ATXN1: variants seen among roughly 807,000 people sequenced by gnomAD.
ATXN1 encodes ataxin 1.
In ATXN1, 8 loss-of-function variants were observed where a neutral mutation model predicts 56.4. The ratio of observed to expected loss-of-function variants is 0.14; its 90% CI spans 0.08 to 0.26. The LOEUF (loss-of-function observed/expected upper bound fraction) is 0.26, where lower values mean the gene tolerates loss of function less well. ATXN1 is among the 10% of genes least tolerant of loss of function. The probability of loss-of-function intolerance (pLI) is 1.00; values close to 1 mark genes in which losing one functional copy is unlikely to be tolerated. For synonymous variants in ATXN1, 514 were observed against 494.6 expected (o/e 1.04, Z -0.52); for missense variants, 987 against 1,106.5 (o/e 0.89, Z 1.53).
chr6:16,341,720 C>T (rs1348277395), intron 6 of ATXN1, among the ~76,000 whole-genome samples: 1 of 151,426 alleles, frequency 6.6e-6, no homozygotes, highest in Non-Finnish European at 1.5e-5. Flanking sequence ...GGGGTTTCAC[C>T]GTGTTAGCCA....
chr6:16,463,343 A>G (rs2113629098), intron 6 of ATXN1, among the ~76,000 whole-genome samples: 1 of 152,320 alleles, frequency 6.6e-6, no homozygotes, highest in South Asian at 2.1e-4. Flanking sequence ...GCAGGAAATC[A>G]GACCCTATCA....
intron 6 of ATXN1, among the ~76,000 whole-genome samples, chr6:16,484,448 A>T (rs1276119325): frequency 1.3e-5 from 2 of 152,118 alleles, no homozygotes; most frequent in Non-Finnish European, 1.5e-5. Flanking sequence ...AAAAAGAAAA[A>T]AATGAAAATA....
chr6:16,539,938 G>C (rs1175815994), intron 4 of ATXN1, among the ~76,000 whole-genome samples: 30 of 152,182 alleles, frequency 2.0e-4, no homozygotes, highest in Admixed American at 2.0e-3. Context: ...AGTCTGAGAG[G>C]AGTGCCAATC....
At chr6:16,385,145 A>C (rs935036050) in intron 6 of ATXN1, among the ~76,000 whole-genome samples, 1 of 152,224 alleles carries the variant, frequency 6.6e-6, no homozygotes, top group Non-Finnish European at 1.5e-5. Flanking sequence ...GCAGAGTCAC[A>C]TAAGGGGACA....
At position 16,506,295 on chromosome 6, in the gene ATXN1, G is replaced by A. The variant is rs1456679755; in HGVS notation, c.-299+16332C>T. 1.3e-5 allele frequency among the ~76,000 whole-genome samples: 2 copies of A among 152,164 alleles called. No individual in the cohort carries two copies. Among genetic ancestry groups the A allele is most frequent in the Admixed American group, 6.6e-5 (1 of 15,262 alleles). ...CAAGTTCATCATTTTATTAAGCAAT[G>A]AGTCAAATGAAGAAAGTGGTTTAAG... On this transcript the variant is annotated intron_variant, in intron 5 of 7. Coordinates refer to ENST00000436367, the MANE Select transcript of ATXN1 (RefSeq NM_001128164.2). The surrounding 1 kb of genome is among the most constrained non-coding windows in gnomAD (Gnocchi z 4.1).
chr6:16,727,211 T>C (rs1245644752), intron 2 of ATXN1, among the ~76,000 whole-genome samples: 2 of 152,190 alleles, frequency 1.3e-5, no homozygotes, highest in Admixed American at 1.3e-4. Flanking sequence ...TCTTTCATAA[T>C]TGTTTACAAT....
At position 16,511,592 on chromosome 6, in the gene ATXN1, A is replaced by G. The variant is rs143853274; in HGVS notation, c.-299+11035T>C. Among the ~76,000 whole-genome samples the G allele has an allele frequency of 2.4e-3, 359 of 152,224 alleles. 2 individuals carry two copies. The highest frequency in any genetic ancestry group is 3.5e-3 in the Non-Finnish European group (237 of 68,012). ...TTTCTCCCTCAGAATCAACCTAGCA[A>G]CAAGTCCGAAACCTCCAAAAACTTC... On this transcript the variant is annotated intron_variant, in intron 5 of 7. Transcript: ENST00000436367.
chr6:16,306,650 C>T lies in ATXN1; in HGVS notation c.2127G>A (p.Lys709=). The T allele has an allele frequency of 6.2e-7, 1 of 1,614,250 alleles. No individual in the cohort carries two copies. The highest frequency in any genetic ancestry group is 1.1e-5 in the South Asian group (1 of 91,088). Residue 709 remains lysine (K), a synonymous_variant, in exon 8 of 8, where the codon AAG becomes AAA. Coordinates refer to ENST00000436367, the MANE Select transcript of ATXN1 (RefSeq NM_001128164.2). The surrounding 1 kb of genome is among the most constrained non-coding windows in gnomAD (Gnocchi z 5.2). ...CCGCCAGGCCGTCGGCCTTTGAGTG[C>T]TTCAGCAGGACGCTGGCGGGATCCA... The part of the protein sequence containing the change: ...QPVDPASVLL[K]HSKADGLAGS...
chr6:16,545,613 C>T (rs1384072240), intron 4 of ATXN1, among the ~76,000 whole-genome samples: 2 of 152,132 alleles, frequency 1.3e-5, no homozygotes, highest in Non-Finnish European at 2.9e-5. Context: ...AGTAAACAAC[C>T]TTGTGGGGTG....
chr6:16,325,337 C>T (rs72653742), intron 7 of ATXN1, among the ~76,000 whole-genome samples: 41,006 of 151,710 alleles, frequency 0.27, 6,369 homozygotes, highest in East Asian at 0.46. Flanking sequence ...AGGCCGGTCT[C>T]GAACTCCTGA....
At chr6:16,313,530 C>T (rs557102330) in intron 7 of ATXN1, among the ~76,000 whole-genome samples, 19 of 151,810 alleles carry the variant, frequency 1.3e-4, no homozygotes, top group African/African-American at 3.6e-4. Context: ...ATTTGAGATG[C>T]GTACTAAAAC....
At position 16,392,839 on chromosome 6, in the gene ATXN1, A is replaced by C. The variant is rs185007611; in HGVS notation, c.-160-64369T>G. 7.9e-5 allele frequency among the ~76,000 whole-genome samples: 12 copies of C among 152,304 alleles called. No individual in the cohort carries two copies. In the East Asian group the frequency reaches 1.7e-3, roughly 22 times the overall value. On this transcript the variant is annotated intron_variant, in intron 6 of 7. Transcript: ENST00000436367. ...TAAACTCACAAGACAGTGGTTCTCA[A>C]AGTGAGTCACCCAGGGAAAGCGGCA...
intron 6 of ATXN1, among the ~76,000 whole-genome samples, chr6:16,459,030 C>G (rs1581777543): frequency 6.6e-6 from 1 of 152,374 alleles, no homozygotes; most frequent in South Asian, 2.1e-4. Flanking sequence ...AGATCCATTA[C>G]CATCCAAGGA....
intron 6 of ATXN1, among the ~76,000 whole-genome samples, chr6:16,450,791 T>C (rs1158131402): frequency 6.6e-6 from 1 of 152,138 alleles, no homozygotes; most frequent in Non-Finnish European, 1.5e-5. Context: ...GAAAGGACCT[T>C]CTAGGTGAAG....
rs1581433362 is a variant in ATXN1, at chr6:16,760,761, C to T, written c.-730+537G>A. Among the ~76,000 whole-genome samples the T allele has an allele frequency of 6.6e-6, 1 of 151,418 alleles. No individual in the cohort carries two copies. Among genetic ancestry groups the T allele is most frequent in the East Asian group, 1.9e-4 (1 of 5,158 alleles). ...ACCCCCTCTCTCTCACCGCCCTCTC[C>T]GGGGAGGAGGAATGGGAAGAGGGCG... On this transcript the variant is annotated intron_variant, in intron 1 of 7. Coordinates refer to ENST00000436367, the MANE Select transcript of ATXN1 (RefSeq NM_001128164.2). The surrounding 1 kb of genome is among the most constrained non-coding windows in gnomAD (Gnocchi z 5.3).
rs74807394 is a variant in ATXN1 at position 16,370,274 on chromosome 6, C to T, written c.-160-41804G>A. On this transcript the variant is annotated intron_variant, in intron 6 of 7. Coordinates refer to ENST00000436367, the MANE Select transcript of ATXN1 (RefSeq NM_001128164.2). ...GAATTGTTCTTTCCACATCAACCCC[C>T]GCCGGACATATTTCAAAAATGCAAC... Among the ~76,000 whole-genome samples the T allele has an allele frequency of 3.0e-3, 458 of 152,218 alleles. 1 individual carries two copies. Among genetic ancestry groups the T allele is most frequent in the South Asian group, 7.5e-3 (36 of 4,816 alleles).
chr6:16,506,676 T>C lies in ATXN1; in HGVS notation c.-299+15951A>G, dbSNP rs1271652546. ...CAATTCCCAGGTCAAAGATGTGAAATGAACATTATCATTATTTGTTTCAGT... is the reference window on the plus strand; with the variant it reads ...CAATTCCCAGGTCAAAGATGTGAAACGAACATTATCATTATTTGTTTCAGT... On this transcript the variant is annotated intron_variant, in intron 5 of 7. Coordinates refer to ENST00000436367, the MANE Select transcript of ATXN1 (RefSeq NM_001128164.2). This position sits in a 1 kb window ranked among gnomAD's most constrained non-coding sequence, Gnocchi z 4.1. Among the ~76,000 whole-genome samples the C allele has an allele frequency of 2.0e-5, 3 of 152,172 alleles. No individual in the cohort carries two copies. Among genetic ancestry groups the C allele is most frequent in the Non-Finnish European group, 4.4e-5 (3 of 68,018 alleles).
At chr6:16,680,880 C>T (rs1298286544) in intron 2 of ATXN1, among the ~76,000 whole-genome samples, 1 of 152,142 alleles carries the variant, frequency 6.6e-6, no homozygotes, top group East Asian at 1.9e-4. Context: ...TAATATTCCA[C>T]CCTTCATTAT....
chr6:16,650,692 T>C (rs1167693977), intron 3 of ATXN1, among the ~76,000 whole-genome samples: 1 of 152,222 alleles, frequency 6.6e-6, no homozygotes, highest in Non-Finnish European at 1.5e-5. Context: ...CTGTAACCTA[T>C]TCTTGTACCA....
Sources: gnomAD v4.1 joint callset for allele counts (sites outside exome capture counted in the v4.1 genomes callset) on GRCh38, gnomAD v4.1.1 for gene constraint, Gnocchi (gnomAD v3.1) non-coding constraint, MANE v1.5 for transcripts, NCBI Gene and HGNC (gene_info 2026-07-23, HGNC 2026-07-21) for gene names.